Variants in TEX9 observed in about 807,000 individuals in gnomAD.
TEX9 encodes testis expressed 9, also known as testis-expressed protein 9.
TEX9 carries 74 observed loss-of-function variants against 59.6 expected under a neutral mutation model. That is an observed-to-expected ratio of 1.24 (90% CI 1.03 to 1.51). The LOEUF is 1.51. Among genes scored for constraint, TEX9 ranks in the 40% most tolerant of loss-of-function variants. TEX9 has a pLI of 0.00. For missense variants in TEX9, 522 were observed against 447.8 expected, an observed-to-expected ratio of 1.17 and a Z score of -1.49; for synonymous variants, 186 against 152.2, an observed-to-expected ratio of 1.22 and a Z score of -1.64.
downstream of TEX9, among the ~76,000 whole-genome samples, chr15:56,446,259 C>T (rs2050901839): frequency 6.6e-6 from 1 of 151,918 alleles, no homozygotes; most frequent in Non-Finnish European, 1.5e-5. Context: ...GGATGATGTG[C>T]ACCCTTTTAA....
At chr15:56,329,365 A>G (rs2046093387) in intron 1 of TEX9, among the ~76,000 whole-genome samples, 1 of 152,192 alleles carries the variant, frequency 6.6e-6, no homozygotes, top group South Asian at 2.1e-4. Context: ...TAACTCTTCA[A>G]TGCCCAGACA....
chr15:56,366,290 C>T (rs1305289601), intron 2 of TEX9, among the ~76,000 whole-genome samples: 1 of 152,164 alleles, frequency 6.6e-6, no homozygotes. Flanking sequence ...TTTCCTGTTG[C>T]ATTTCAAAAG....
intron 10 of TEX9, among the ~76,000 whole-genome samples, chr15:56,414,575 G>A (rs546360687): frequency 6.6e-5 from 10 of 151,796 alleles, no homozygotes; most frequent in African/African-American, 1.7e-4. Flanking sequence ...ACATGATCTC[G>A]TTCTTTTTTA....
At chr15:56,304,406 TGAG>T (rs1408007582) in intron 1 of TEX9, among the ~76,000 whole-genome samples, 4 of 152,224 alleles carry the variant, frequency 2.6e-5, no homozygotes, top group Non-Finnish European at 4.4e-5. Context: ...TTTATTTTGT[TGAG>T]GTATCTTCAT....
At chr15:56,447,180 C>T (rs2050911929), downstream of TEX9, 2 of 355,426 alleles carry the variant, frequency 5.6e-6, no homozygotes, top group South Asian at 1.0e-4. Context: ...GTTTGCTTAT[C>T]CTGTGTCAAT....
intron 1 of TEX9, among the ~76,000 whole-genome samples, chr15:56,276,826 C>T (rs965597293): frequency 7.2e-5 from 11 of 152,198 alleles, no homozygotes; most frequent in Admixed American, 2.0e-4. Flanking sequence ...TCTCCGCATC[C>T]TTGCCAGCAT....
chr15:56,327,522 C>T (rs1424601872), intron 1 of TEX9, among the ~76,000 whole-genome samples: 4 of 152,204 alleles, frequency 2.6e-5, no homozygotes, highest in East Asian at 1.9e-4. Flanking sequence ...ACACAAAAAA[C>T]ACCTTTATAA....
intron 1 of TEX9, among the ~76,000 whole-genome samples, chr15:56,281,638 C>T (rs936616684): frequency 2.6e-5 from 4 of 152,164 alleles, no homozygotes; most frequent in African/African-American, 9.7e-5. Context: ...GGTTTAAGCC[C>T]TCAGATAGTC....
chr15:56,329,172 AAGGCCACCAAGGC>A (rs2046089024), intron 1 of TEX9, among the ~76,000 whole-genome samples: 1 of 152,160 alleles, frequency 6.6e-6, no homozygotes, highest in Admixed American at 6.5e-5. Flanking sequence ...GATCATGTCC[AAGGCCACCAAGGC>A]AGTATCTCTG....
chr15:56,428,486 T>G, intron 12 of TEX9: 1 of 1,301,802 alleles, frequency 7.7e-7, no homozygotes, highest in Non-Finnish European at 1.1e-6. Context: ...ATGTGATGGA[T>G]ACCCATTTTA....
chr15:56,251,959 C>T (rs1010566143), intron 1 of TEX9, among the ~76,000 whole-genome samples: 39 of 152,142 alleles, frequency 2.6e-4, no homozygotes, highest in African/African-American at 9.4e-4. Context: ...TTCTCAGACA[C>T]TCAGGAGAAG....
chr15:56,317,066 G>A (rs1013443454), intron 1 of TEX9, among the ~76,000 whole-genome samples: 2 of 152,190 alleles, frequency 1.3e-5, no homozygotes, highest in Non-Finnish European at 2.9e-5. Context: ...TCCCTAGTGA[G>A]ATGAACCCGG....
chr15:56,346,099 A>G (rs2046464888), intron 1 of TEX9, among the ~76,000 whole-genome samples: 1 of 152,136 alleles, frequency 6.6e-6, no homozygotes, highest in Non-Finnish European at 1.5e-5. Context: ...CATAGAGTTT[A>G]ATGTATTTTG....
At chr15:56,294,864 G>A (rs747350010) in intron 1 of TEX9, among the ~76,000 whole-genome samples, 5 of 152,080 alleles carry the variant, frequency 3.3e-5, no homozygotes, top group Non-Finnish European at 5.9e-5. Context: ...ACCAATTAGG[G>A]AGGTAAAAAG....
intron 6 of TEX9, among the ~76,000 whole-genome samples, chr15:56,390,564 G>T (rs1457526175): frequency 6.6e-6 from 1 of 152,010 alleles, no homozygotes; most frequent in Admixed American, 6.6e-5. Flanking sequence ...ATTTGTTGAT[G>T]TGTCAATGAA....
intron 1 of TEX9, among the ~76,000 whole-genome samples, chr15:56,251,682 G>T (rs2141298254): frequency 6.6e-6 from 1 of 152,216 alleles, no homozygotes; most frequent in Middle Eastern, 3.4e-3. Flanking sequence ...AGCTCAGAGG[G>T]CTTAAAGAAG....
At chr15:56,451,665 G>C in the TEX9 span, among the ~76,000 whole-genome samples, 13 of 152,230 alleles carry the variant, frequency 8.5e-5, no homozygotes, top group African/African-American at 3.1e-4. Flanking sequence ...TCTGATTAAT[G>C]ATGGTTTGAC....
intron 1 of TEX9, among the ~76,000 whole-genome samples, chr15:56,339,400 A>AGC (rs1172618547): frequency 7.4e-6 from 1 of 135,246 alleles, no homozygotes; most frequent in African/African-American, 2.6e-5. Flanking sequence ...AAAAAAAAAA[A>AGC]AAAAAAAAAA....
the TEX9 span, among the ~76,000 whole-genome samples, chr15:56,455,247 G>GAAAAAAAAAAAAAAAAAAAAAAAA: frequency 1.2e-5 from 1 of 82,914 alleles, no homozygotes; most frequent in Admixed American, 1.3e-4. Context: ...ATCGTCAGGT[G>GAAAAAAAAAAAAAAAAAAAAAAAA]AAAAAAAAAA....
Sources: gnomAD v4.1 joint callset for allele counts (sites outside exome capture counted in the v4.1 genomes callset) on GRCh38, gnomAD v4.1.1 for gene constraint, MANE v1.5 for transcripts, NCBI Gene and HGNC (gene_info 2026-07-23, HGNC 2026-07-21) for gene names.